NPHP4: variants seen among roughly 807,000 people sequenced by gnomAD.
The protein encoded by NPHP4 is nephrocystin-4.
In NPHP4, 151 loss-of-function variants were observed where a neutral mutation model predicts 155.8. The observed-to-expected ratio is 0.97, with a 90% CI of 0.85 to 1.11. NPHP4 has a LOEUF of 1.11. Ranked by LOEUF, NPHP4 falls within the 50% of genes least tolerant of loss-of-function variation. The pLI, the probability that NPHP4 is intolerant of heterozygous loss-of-function variation, is 0.00. For missense variants in NPHP4, 1,956 were observed against 1,925.7 expected, an observed-to-expected ratio of 1.02 and a Z score of -0.29; for synonymous variants, 845 against 816.8, an observed-to-expected ratio of 1.03 and a Z score of -0.59.
chr1:5,867,096 A>T lies in NPHP4; in HGVS notation c.3492T>A (p.Leu1164=), dbSNP rs750516114. ...HTFPGAPVGM[L]GEDPPVHVRC... Reference sequence around the variant, plus strand: ...GAACATGGACTGGGGGGTCCTCACCAAGCATTCCCACCGGAGCACCTGGAG... The same window carrying T: ...GAACATGGACTGGGGGGTCCTCACCTAGCATTCCCACCGGAGCACCTGGAG... The change falls in exon 25 of 30, where the codon CTT becomes CTA. Residue 1164 remains leucine, a synonymous_variant. Coordinates refer to ENST00000378156, the MANE Select transcript of NPHP4 (RefSeq NM_015102.5). The surrounding 1 kb of genome is among the most constrained non-coding windows in gnomAD (Gnocchi z 4.1). The T allele has an allele frequency of 6.2e-7, 1 of 1,612,470 alleles. No homozygotes were observed. The highest frequency in any genetic ancestry group is 2.2e-5 in the East Asian group (1 of 44,826).
At position 5,873,251 on chromosome 1, in the gene NPHP4, C is replaced by G; in HGVS notation, c.3315+1G>C. The G allele has an allele frequency of 6.2e-7, 1 of 1,612,774 alleles. No individual in the cohort carries two copies. Among genetic ancestry groups the G allele is most frequent in the Non-Finnish European group, 8.5e-7 (1 of 1,178,748 alleles). On this transcript the variant is annotated splice_donor_variant, in intron 23 of 29. Coordinates refer to ENST00000378156, the MANE Select transcript of NPHP4 (RefSeq NM_015102.5). LOFTEE classifies it high-confidence loss of function. ...CAGTTTGTCCTCCGTTGCCCCTTTA[C>G]CTTGGCGTGTTTAGTGGGCACTGCG...
At chr1:5,947,863 G>A (rs187866176) in intron 8 of NPHP4, among the ~76,000 whole-genome samples, 8 of 151,380 alleles carry the variant, frequency 5.3e-5, no homozygotes, top group Non-Finnish European at 1.0e-4. Context: ...CAAATTGTCA[G>A]AGCACAAAAG....
At chr1:5,893,530 T>C (rs1644248175) in intron 16 of NPHP4, among the ~76,000 whole-genome samples, 1 of 152,168 alleles carries the variant, frequency 6.6e-6, no homozygotes, top group African/African-American at 2.4e-5. Flanking sequence ...TTTTAGTACT[T>C]TCACTAATTT....
rs1644040747 is a variant in NPHP4 at position 5,890,082 on chromosome 1, C to A, written c.2304+786G>T. On this transcript the variant is annotated intron_variant, in intron 17 of 29. Transcript: ENST00000378156. This position sits in a 1 kb window ranked among gnomAD's most constrained non-coding sequence, Gnocchi z 4.9. The stretch of plus-strand genomic sequence containing the variant: ...AGCCGTGCTTCTCAGGGGTCAGCAG[C>A]TGCTGGAGAGGACAGGAAGCCCCGG... Among the ~76,000 whole-genome samples the A allele has an allele frequency of 6.6e-6, 1 of 152,064 alleles. No homozygotes were observed. Among genetic ancestry groups the A allele is most frequent in the Non-Finnish European group, 1.5e-5 (1 of 68,010 alleles).
chr1:5,891,998 C>A (rs1166407053), intron 16 of NPHP4, among the ~76,000 whole-genome samples: 1 of 152,250 alleles, frequency 6.6e-6, no homozygotes, highest in Non-Finnish European at 1.5e-5. Flanking sequence ...CAAGGACCCA[C>A]TGCTCAGGCC....
chr1:5,979,789 CA>C (rs1654347313), intron 2 of NPHP4, among the ~76,000 whole-genome samples: 1 of 152,076 alleles, frequency 6.6e-6, no homozygotes, highest in Admixed American at 6.5e-5. Flanking sequence ...GCTGGGGTTA[CA>C]GGGGTAAGCC....
intron 11 of NPHP4, among the ~76,000 whole-genome samples, chr1:5,917,126 T>C (rs1332114176): frequency 6.6e-6 from 1 of 152,104 alleles, no homozygotes; most frequent in African/African-American, 2.4e-5. Flanking sequence ...TCTGGTGGTT[T>C]TCCTTTAGGG....
chr1:5,948,311 A>C (rs1570586890), intron 7 of NPHP4, 60 bp from the exon 8 acceptor site: 1 of 1,335,550 alleles, frequency 7.5e-7, no homozygotes, highest in African/African-American at 1.5e-5. Flanking sequence ...GCTCGCCAGA[A>C]GTCCCTGGGG....
chr1:5,964,905 A>G (rs1032654601), intron 5 of NPHP4, among the ~76,000 whole-genome samples: 4 of 131,908 alleles, frequency 3.0e-5, no homozygotes, highest in African/African-American at 1.2e-4. Context: ...TAAAATATAT[A>G]ATACATATAT....
At chr1:5,989,508 G>A (rs1052523389) in intron 1 of NPHP4, among the ~76,000 whole-genome samples, 5 of 152,192 alleles carry the variant, frequency 3.3e-5, no homozygotes, top group African/African-American at 1.2e-4. Context: ...CGCTGGCCAA[G>A]TTCTTGAAGA....
In NPHP4 at chr1:5,927,666, G is replaced by GCCAC. The variant is rs754663189; in HGVS notation, c.1423_1424insGTGG (p.Pro475ArgfsTer141). On this transcript the variant is annotated frameshift_variant, in exon 11 of 30. Transcript: ENST00000378156. LOFTEE classifies it high-confidence loss of function. ...ACACTTACTCGAAGGGGACGTGGGT[G>GCCAC]GTTTCCTGGAAGGCCGCCGCTCCAC... The GCCAC allele has an allele frequency of 2.5e-6, 4 of 1,611,318 alleles. No homozygotes were observed. The Admixed American group carries it at 6.7e-5, about 27-fold the overall frequency.
Position 5,863,088 on chromosome 1 carries a change from G to A in NPHP4, c.*177C>T. 1.5e-6 allele frequency: 1 copy of A among 655,030 alleles called. No individual in the cohort carries two copies. The highest frequency in any genetic ancestry group is 1.8e-5 in the South Asian group (1 of 55,230). The allele number at this position is 655,030 out of a possible 1,614,324, so 40.6% of individuals were successfully genotyped here. On this transcript the variant is annotated 3_prime_UTR_variant, in exon 30 of 30. Transcript: ENST00000378156. ...GGTGTCAGCAGCAGCTAAGCTGGAT[G>A]CAGGTACTACAAAATGACCAGCGCT...
Position 5,874,501 on chromosome 1 carries a change from G to T in NPHP4, c.3201C>A (p.Ser1067Arg). 6.4e-7 allele frequency: 1 copy of T among 1,570,980 alleles called. No individual in the cohort carries two copies. The change falls in exon 22 of 30, where the codon AGC becomes AGA. Residue 1067 changes from serine to arginine, a missense_variant. Coordinates refer to ENST00000378156, the MANE Select transcript of NPHP4 (RefSeq NM_015102.5). The stretch of plus-strand genomic sequence containing the variant: ...CCATGGCCAGCTGCCCTGCAGAGAA[G>T]CTCTGGAACTTGAAGGGGACGTGGG... Reference protein sequence around the residue: ...ETAHVPFKFQSFSAGQLAMVQ... With the variant: ...ETAHVPFKFQRFSAGQLAMVQ...
At position 5,941,289 on chromosome 1, in the gene NPHP4, C is replaced by CAAAAAA. The variant is rs66676950; in HGVS notation, c.1119+5809_1119+5814dup. ...TCACACCACAAACAAGAGATCTAGA[C>CAAAAAA]AAAAAAAAAAAAAAAAAAAAAAAAA... On this transcript the variant is annotated intron_variant, in intron 9 of 29. Coordinates refer to ENST00000378156, the MANE Select transcript of NPHP4 (RefSeq NM_015102.5). Among the ~76,000 whole-genome samples the CAAAAAA allele has an allele frequency of 4.1e-3, 184 of 44,690 alleles. 3 individuals are homozygous for CAAAAAA. Among genetic ancestry groups the CAAAAAA allele is most frequent in the Middle Eastern group, 0.036 (1 of 28 alleles). The allele number at this position is 44,690 out of a possible 152,430, so 29.3% of individuals were successfully genotyped here. A position where few individuals can be genotyped will look rare whatever the true frequency, so the allele number is the denominator to read the frequency against.
chr1:5,973,434 A>T (rs1332738506), intron 3 of NPHP4, among the ~76,000 whole-genome samples: 1 of 152,154 alleles, frequency 6.6e-6, no homozygotes, highest in Non-Finnish European at 1.5e-5. Flanking sequence ...CAAAATAAAA[A>T]CATTTAGCTG....
chr1:5,982,873 C>T (rs1410249102), intron 2 of NPHP4, among the ~76,000 whole-genome samples: 1 of 152,144 alleles, frequency 6.6e-6, no homozygotes, highest in Non-Finnish European at 1.5e-5. Context: ...GCACAGTAGT[C>T]GATAAACATA....
chr1:5,901,089 A>T (rs572734417), intron 16 of NPHP4, among the ~76,000 whole-genome samples: 1 of 152,160 alleles, frequency 6.6e-6, no homozygotes, highest in Non-Finnish European at 1.5e-5. Flanking sequence ...GCAAAATGTT[A>T]GTAATAGGGG....
chr1:5,922,580 G>A (rs1645797083), intron 11 of NPHP4, among the ~76,000 whole-genome samples: 1 of 152,056 alleles, frequency 6.6e-6, no homozygotes, highest in Admixed American at 6.6e-5. Flanking sequence ...CAGCATTTTG[G>A]GAGGCCAAGG....
At chr1:5,900,643 T>C (rs892268687) in intron 16 of NPHP4, among the ~76,000 whole-genome samples, 4 of 152,176 alleles carry the variant, frequency 2.6e-5, no homozygotes, top group African/African-American at 9.7e-5. Flanking sequence ...CATGTATTTG[T>C]CAAAAATCAC....
Sources: allele counts gnomAD v4.1 joint callset (sites outside exome capture counted in the v4.1 genomes callset), GRCh38; gene constraint gnomAD v4.1.1; non-coding constraint Gnocchi (gnomAD v3.1); transcripts MANE v1.5; gene names NCBI Gene and HGNC (gene_info 2026-07-23, HGNC 2026-07-21).